KCNN3: variants seen among roughly 807,000 people sequenced by gnomAD.
KCNN3 encodes the protein potassium calcium-activated channel subfamily N member 3, also known as small conductance calcium-activated potassium channel protein 3.
In KCNN3, 16 loss-of-function variants were observed where a neutral mutation model predicts 62.9. The ratio of observed to expected loss-of-function variants is 0.25; its 90% CI spans 0.17 to 0.39. The LOEUF is 0.39. Among genes scored for constraint, KCNN3 ranks in the 10% least tolerant of loss-of-function variants. KCNN3 has a pLI of 1.00. For synonymous variants in KCNN3, 370 were observed against 389.2 expected (o/e 0.95, Z 0.58); for missense variants, 599 against 949.4 (o/e 0.63, Z 4.85).
At chr1:154,810,346 T>A (rs1650352955) in intron 2 of KCNN3, among the ~76,000 whole-genome samples, 1 of 152,064 alleles carries the variant, frequency 6.6e-6, no homozygotes, top group Admixed American at 6.5e-5. Flanking sequence ...AGGGACACTG[T>A]GACTCCAGGC....
At chr1:154,711,114 C>T (rs888386241) in intron 7 of KCNN3, among the ~76,000 whole-genome samples, 1 of 151,906 alleles carries the variant, frequency 6.6e-6, no homozygotes, top group Non-Finnish European at 1.5e-5. Context: ...CAATGATAGA[C>T]TGGATTAAGA....
chr1:154,795,437 G>C (rs1351164425), intron 2 of KCNN3, among the ~76,000 whole-genome samples: 1 of 152,184 alleles, frequency 6.6e-6, no homozygotes, highest in Non-Finnish European at 1.5e-5. Flanking sequence ...ACGTGGTAAG[G>C]CTTCTCTGAA....
At position 154,716,287 on chromosome 1, in the gene KCNN3, A is replaced by C. The variant is rs1700232173; in HGVS notation, c.1702-1284T>G. On this transcript the variant is annotated intron_variant, in intron 5 of 7. Transcript: ENST00000271915. ...ATTCCTTATTAAGCACATGCTAAGCAGATTTTTGATTAACCATCCCCATTT... is the reference window on the plus strand; with the variant it reads ...ATTCCTTATTAAGCACATGCTAAGCCGATTTTTGATTAACCATCCCCATTT... 2.6e-5 allele frequency among the ~76,000 whole-genome samples: 4 copies of C among 152,284 alleles called. No homozygotes were observed. In the South Asian group the frequency reaches 8.3e-4, roughly 31 times the overall value.
At position 154,849,964 on chromosome 1, in the gene KCNN3, C is replaced by G. The variant is rs1333445155; in HGVS notation, c.933+19068G>C. 2.6e-5 allele frequency among the ~76,000 whole-genome samples: 4 copies of G among 152,210 alleles called. No individual in the cohort carries two copies. The East Asian group carries it at 7.7e-4, about 29-fold the overall frequency. On this transcript the variant is annotated intron_variant, in intron 1 of 7. Coordinates refer to ENST00000271915, the MANE Select transcript of KCNN3 (RefSeq NM_002249.6). ...GCAAAAGTGCCCCAGTTGAGAAGCT[C>G]TGATCTAAAGGCACAGTTAGATCCC...
At chr1:154,745,593 C>T (rs898306890) in intron 3 of KCNN3, among the ~76,000 whole-genome samples, 2 of 152,162 alleles carry the variant, frequency 1.3e-5, no homozygotes, top group South Asian at 2.1e-4. Context: ...CTTGGTCTTG[C>T]TCAACTTCTC....
intron 2 of KCNN3, among the ~76,000 whole-genome samples, chr1:154,793,025 G>T (rs1352421349): frequency 6.6e-6 from 1 of 152,184 alleles, no homozygotes; most frequent in Admixed American, 6.5e-5. Flanking sequence ...AGAGCAGGAA[G>T]CTCCTAACCC....
chr1:154,698,977 A>C lies in KCNN3; in HGVS notation c.*8999T>G, dbSNP rs2101743615. The stretch of plus-strand genomic sequence containing the variant: ...AGAAAACTGGGCACTAGACTGAACA[A>C]ATTTTTAGCTATTGCCTTATGGGAA... On this transcript the variant is annotated 3_prime_UTR_variant, in exon 8 of 8. Coordinates refer to ENST00000271915, the MANE Select transcript of KCNN3 (RefSeq NM_002249.6). 1 of 152,322 alleles carries C rather than the reference A, an allele frequency of 6.6e-6. No individual in the cohort carries two copies. Among genetic ancestry groups the C allele is most frequent in the African/African-American group, 2.4e-5 (1 of 41,576 alleles). The allele number at this position is 152,322 out of a possible 1,614,324, so 9.4% of individuals were successfully genotyped here. A position where few individuals can be genotyped will look rare whatever the true frequency, so the allele number is the denominator to read the frequency against.
rs942503939 is a variant in KCNN3 at position 154,698,090 on chromosome 1, T to C, written c.*9886A>G. 1 of 152,212 alleles carries C rather than the reference T, an allele frequency of 6.6e-6. No individual in the cohort carries two copies. Among genetic ancestry groups the C allele is most frequent in the African/African-American group, 2.4e-5 (1 of 41,448 alleles). 9.4% of individuals were successfully genotyped at this position (152,212 alleles called of 1,614,324 possible). A position where few individuals can be genotyped will look rare whatever the true frequency, so the allele number is the denominator to read the frequency against. ...GAAGAGCTTTAAGGAATGACAGCAG[T>C]AGAAATGCAGCTAGATATATTTTTG... On this transcript the variant is annotated 3_prime_UTR_variant, in exon 8 of 8. Transcript: ENST00000271915.
intron 1 of KCNN3, among the ~76,000 whole-genome samples, chr1:154,844,912 G>A (rs1392297923): frequency 2.0e-5 from 3 of 152,066 alleles, no homozygotes; most frequent in Non-Finnish European, 4.4e-5. Context: ...AAGCTGAGGT[G>A]GGAAGATGGC....
At chr1:154,712,942 C>G (rs891915469) in intron 7 of KCNN3, among the ~76,000 whole-genome samples, 2 of 152,132 alleles carry the variant, frequency 1.3e-5, no homozygotes, top group African/African-American at 4.8e-5. Context: ...CTATCTGCCT[C>G]TTGAGAAGTA....
intron 4 of KCNN3, 122 bp downstream of exon 4, chr1:154,732,881 G>A (rs1200859514): frequency 9.4e-6 from 9 of 961,360 alleles, no homozygotes; most frequent in African/African-American, 1.6e-5. Flanking sequence ...CACACATGCA[G>A]GTCGGTTAAC....
Position 154,703,443 on chromosome 1 carries a change from A to C in KCNN3, c.*4533T>G, listed in dbSNP as rs1445230210. ...TACTGAAATCAAACCCTGCAGAGTC[A>C]ATAGGGATCCTTCATCTGCTTCTAG... On this transcript the variant is annotated 3_prime_UTR_variant, in exon 8 of 8. Transcript: ENST00000271915. The C allele has an allele frequency of 6.6e-6, 1 of 152,200 alleles. No homozygotes were observed. Among genetic ancestry groups the C allele is most frequent in the African/African-American group, 2.4e-5 (1 of 41,456 alleles). 9.4% of individuals were successfully genotyped at this position (152,200 alleles called of 1,614,324 possible). A position where few individuals can be genotyped will look rare whatever the true frequency, so the allele number is the denominator to read the frequency against.
chr1:154,797,123 C>G (rs1489024384), intron 2 of KCNN3, among the ~76,000 whole-genome samples: 1 of 152,226 alleles, frequency 6.6e-6, no homozygotes, highest in African/African-American at 2.4e-5. Context: ...GAATATCCAC[C>G]TCGTCCCTCC....
chr1:154,755,652 AAAGG>A (rs149567267), intron 3 of KCNN3, among the ~76,000 whole-genome samples: 47,029 of 143,916 alleles, frequency 0.33, 8,865 homozygotes, highest in East Asian at 0.54. Flanking sequence ...AAGAAAGAAG[AAAGG>A]AAGGAAGGAA....
intron 1 of KCNN3, among the ~76,000 whole-genome samples, chr1:154,861,573 C>A (rs990082962): frequency 6.6e-6 from 1 of 152,158 alleles, no homozygotes; most frequent in Non-Finnish European, 1.5e-5. Flanking sequence ...AGCCCCTGCC[C>A]GAGCCCCTCC....
At chr1:154,788,654 C>T (rs1243903206) in intron 2 of KCNN3, among the ~76,000 whole-genome samples, 2 of 152,152 alleles carry the variant, frequency 1.3e-5, no homozygotes, top group Non-Finnish European at 2.9e-5. Context: ...ACTGACTCCA[C>T]GGAGCACAGC....
intron 6 of KCNN3, among the ~76,000 whole-genome samples, chr1:154,714,066 GGT>G (rs1249868145): frequency 1.5e-4 from 1 of 6,458 alleles, no homozygotes; most frequent in Non-Finnish European, 3.0e-4. Flanking sequence ...GTGTGTGTGT[GGT>G]GTTTGTGTGT....
At chr1:154,856,801 A>G (rs1652551380) in intron 1 of KCNN3, among the ~76,000 whole-genome samples, 1 of 152,158 alleles carries the variant, frequency 6.6e-6, no homozygotes, top group African/African-American at 2.4e-5. Context: ...TGTACCCAAT[A>G]TCTGCTTGGC....
At chr1:154,832,903 C>CTAA (rs745951929) in intron 1 of KCNN3, among the ~76,000 whole-genome samples, 2 of 152,186 alleles carry the variant, frequency 1.3e-5, no homozygotes, top group Non-Finnish European at 2.9e-5. Context: ...CTGTGGTCAG[C>CTAA]TAATTACAGG....
Sources: allele counts gnomAD v4.1 joint callset (sites outside exome capture counted in the v4.1 genomes callset), GRCh38; gene constraint gnomAD v4.1.1; transcripts MANE v1.5; gene names NCBI Gene and HGNC (gene_info 2026-07-23, HGNC 2026-07-21).